FTSJ3: variants seen among roughly 807,000 people sequenced by gnomAD.
The protein encoded by FTSJ3 is pre-rRNA 2'-O-ribose RNA methyltransferase FTSJ3.
In FTSJ3, 46 loss-of-function variants were observed where a neutral mutation model predicts 111.5. The observed-to-expected ratio is 0.41, with a 90% CI of 0.33 to 0.53. The LOEUF is 0.53. Among genes scored for constraint, FTSJ3 ranks in the 20% least tolerant of loss-of-function variants. The pLI is 0.19. For missense variants in FTSJ3, 1,075 were observed against 1,063.8 expected (o/e 1.01, Z -0.15); for synonymous variants, 408 against 383.0 (o/e 1.07, Z -0.76).
Position 63,820,161 on chromosome 17 carries a change from G to A in FTSJ3, c.2269C>T (p.Leu757=). 1 of 1,614,074 alleles carries A rather than the reference G, an allele frequency of 6.2e-7. No homozygotes were observed. Among genetic ancestry groups the A allele is most frequent in the South Asian group, 1.1e-5 (1 of 91,084 alleles). ...ARKKRRMLKR[L]EQTRKKAEAV... The stretch of plus-strand genomic sequence containing the variant: ...TCTGCCTTCTTCCTGGTCTGCTCCA[G>A]CCTCTTCAGCATCTGCAAAGGAACC... Residue 757 remains leucine, a synonymous_variant, in exon 20 of 21, where the codon CTG becomes TTG. Transcript: ENST00000427159.
Position 63,821,641 on chromosome 17 carries a change from G to T in FTSJ3, c.1599C>A (p.Gly533=), listed in dbSNP as rs2040052820. Reference sequence around the variant, plus strand: ...CATCGTCCTCGATCCCAGCAAAGCTGCCCTGTGATAGGAGAACATCAGCTG... The same window carrying T: ...CATCGTCCTCGATCCCAGCAAAGCTTCCCTGTGATAGGAGAACATCAGCTG... ...EEQANLWFSK[G]SFAGIEDDAD... Residue 533 remains glycine, a splice_region_variant and synonymous_variant, in exon 16 of 21, where the codon GGC becomes GGA. Transcript: ENST00000427159. 2.2e-5 allele frequency: 35 copies of T among 1,613,256 alleles called. No individual in the cohort carries two copies. The highest frequency in any genetic ancestry group is 2.9e-5 in the Non-Finnish European group (34 of 1,179,400).
In FTSJ3 at chr17:63,819,791, G is replaced by C. The variant is rs755095380; in HGVS notation, c.*11C>G. The C allele has an allele frequency of 2.5e-6, 4 of 1,606,088 alleles. No individual in the cohort carries two copies. In the Admixed American group the frequency reaches 6.7e-5, roughly 27 times the overall value. On this transcript the variant is annotated 3_prime_UTR_variant, in exon 21 of 21. Coordinates refer to ENST00000427159, the MANE Select transcript of FTSJ3 (RefSeq NM_017647.4). ...AGTCCCCATGCTCTCCTGGGAGCCT[G>C]GCAGCTCTGCTTACTTCCGTTTGTG... is the stretch of plus-strand genomic sequence containing the variant.
chr17:63,824,722 C>T lies in FTSJ3; in HGVS notation c.832G>A (p.Glu278Lys), dbSNP rs115809493. 417 of 1,613,846 alleles carry T rather than the reference C, an allele frequency of 2.6e-4. 6 individuals carry two copies. In the East Asian group the frequency reaches 9.0e-3, roughly 35 times the overall value. The change falls in exon 10 of 21, where the codon GAA becomes AAA. Residue 278 changes from glutamate (E) to lysine (K), a missense_variant. This residue lies in a region of FTSJ3 where 867 missense variants were observed against 796.9 expected (regional missense o/e 1.09). Transcript: ENST00000427159. ...SKASEIMVDD[E>K]ELAQHPATTE... The stretch of plus-strand genomic sequence containing the variant: ...GTAGCTGGATGCTGTGCCAACTCTT[C>T]ATCATCTACCATGATCTGTTTGGGA...
chr17:63,823,791 A>T, intron 13 of FTSJ3, 26 bp downstream of exon 13: 1 of 1,609,698 alleles, frequency 6.2e-7, no homozygotes, highest in Non-Finnish European at 8.5e-7. Flanking sequence ...CTGTCTCCTA[A>T]ACCTGCACCC....
intron 13 of FTSJ3, 81 bp downstream of exon 13, chr17:63,823,736 A>G: frequency 6.6e-7 from 1 of 1,509,652 alleles, no homozygotes; most frequent in Non-Finnish European, 9.0e-7. Context: ...GCAACCTAAA[A>G]AGACATTCAA....
chr17:63,820,125 T>G lies in FTSJ3; in HGVS notation c.2305A>C (p.Asn769His). 1 of 1,614,168 alleles carries G rather than the reference T, an allele frequency of 6.2e-7. No individual in the cohort carries two copies. The highest frequency in any genetic ancestry group is 8.5e-7 in the Non-Finnish European group (1 of 1,180,034). Residue 769 changes from asparagine to histidine, a missense_variant, in exon 20 of 21, where the codon AAC (asparagine) becomes CAC (histidine). Coordinates refer to ENST00000427159, the MANE Select transcript of FTSJ3 (RefSeq NM_017647.4). ...QTRKKAEAVV[N>H]TVDISEREKV... is the part of the protein sequence containing the mutation. Reference sequence around the variant, plus strand: ...TCTCGTTCTGAGATGTCCACTGTGTTCACCACGGCTTCTGCCTTCTTCCTG... The same window carrying G: ...TCTCGTTCTGAGATGTCCACTGTGTGCACCACGGCTTCTGCCTTCTTCCTG...
At position 63,824,118 on chromosome 17, in the gene FTSJ3, C is replaced by T. The variant is rs200270895; in HGVS notation, c.1120G>A (p.Glu374Lys). The T allele has an allele frequency of 1.9e-4, 306 of 1,614,082 alleles. No homozygotes were observed. Among genetic ancestry groups the T allele is most frequent in the Non-Finnish European group, 2.4e-4 (289 of 1,180,044 alleles). The change falls in exon 12 of 21, where the codon GAA becomes AAA. Residue 374 changes from glutamate (E) to lysine (K), a missense_variant. By Grantham distance (56) the Glu-to-Lys change is moderately conservative. Transcript: ENST00000427159. ...EEEQLNQTLA[E>K]MKAQEVAELK... is the part of the protein sequence containing the mutation. The stretch of plus-strand genomic sequence containing the variant: ...TCCGCCACCTCCTGGGCCTTCATTT[C>T]TGCCAAGGTCTGGTTCAGTTGTTCC...
intron 13 of FTSJ3, 197 bp downstream of exon 13, chr17:63,823,620 C>A: frequency 1.7e-6 from 1 of 599,730 alleles, no homozygotes; most frequent in Non-Finnish European, 2.9e-6. Flanking sequence ...AAATCTATCA[C>A]ACTCATCTAT....
Position 63,820,066 on chromosome 17 carries a change from G to A in FTSJ3, c.2351+13C>T, listed in dbSNP as rs747129028. 40 of 1,613,892 alleles carry A rather than the reference G, an allele frequency of 2.5e-5. No homozygotes were observed. The Admixed American group carries it at 6.7e-4, about 27-fold the overall frequency. On this transcript the variant is annotated intron_variant, in intron 20 of 20. Coordinates refer to ENST00000427159, the MANE Select transcript of FTSJ3 (RefSeq NM_017647.4). Reference sequence around the variant, plus strand: ...TTTTAGCCCTGTGTACCTTTGTGGTGTCCTCCCATTACCTTCGCAGCTGTG... The same window carrying A: ...TTTTAGCCCTGTGTACCTTTGTGGTATCCTCCCATTACCTTCGCAGCTGTG...
Position 63,820,819 on chromosome 17 carries a change from T to C in FTSJ3, c.2072+20A>G. 2 of 1,569,700 alleles carry C rather than the reference T, an allele frequency of 1.3e-6. No individual in the cohort carries two copies. The highest frequency in any genetic ancestry group is 8.8e-7 in the Non-Finnish European group (1 of 1,140,050). On this transcript the variant is annotated intron_variant, in intron 18 of 20. Transcript: ENST00000427159. ...CCACCAGACCCTGGGTCACTCTTGA[T>C]GAGTTTATGGCCCCTTTACCGGTTG... is the stretch of plus-strand genomic sequence containing the variant.
chr17:63,826,814 G>A, intron 2 of FTSJ3, 22 bp downstream of exon 2: 1 of 1,612,158 alleles, frequency 6.2e-7, no homozygotes, highest in Middle Eastern at 1.7e-4. Context: ...CTCGCTCGCA[G>A]ACTGAGCGAA....
At chr17:63,825,462 C>G (rs716880) in intron 6 of FTSJ3, 26 bp from the exon 7 acceptor site, 1,021,845 of 1,613,320 alleles carry the variant, frequency 0.63, 328,076 homozygotes, top group African/African-American at 0.91. Flanking sequence ...AATTAGTTGA[C>G]GCACTCTGCA....
At position 63,824,167 on chromosome 17, in the gene FTSJ3, C is replaced by T. The variant is rs771325406; in HGVS notation, c.1071G>A (p.Lys357=). ...STAGTTKQPS[K]EEEEEEEEEQ... ...CCTCCTCCTCCTCTTCCTCCTCCTC[C>T]TTAGAGGGCTGCTTTGTGGTTCCAG... is the stretch of plus-strand genomic sequence containing the variant. Residue 357 remains lysine (K), a synonymous_variant, in exon 12 of 21, where the codon AAG becomes AAA. Transcript: ENST00000427159. The T allele has an allele frequency of 6.8e-5, 109 of 1,614,044 alleles. No homozygotes were observed. Among genetic ancestry groups the T allele is most frequent in the Non-Finnish European group, 8.5e-5 (100 of 1,180,034 alleles).
At chr17:63,821,314 C>T (rs1255502833) in intron 16 of FTSJ3, 40 bp downstream of exon 16, 10 of 1,574,002 alleles carry the variant, frequency 6.4e-6, no homozygotes, top group South Asian at 1.2e-5. Context: ...TTCAAGCCAC[C>T]GCTTCCTTTC....
At chr17:63,826,992 C>T (rs933564672) in intron 1 of FTSJ3, 60 bp downstream of exon 1, 7 of 852,968 alleles carry the variant, frequency 8.2e-6, no homozygotes, top group Non-Finnish European at 1.2e-5. Flanking sequence ...TTCCAGTTTC[C>T]CACTTCCAGT....
rs746025074 is a variant in FTSJ3, at chr17:63,826,854, G to A, written c.49C>T (p.His17Tyr). The A allele has an allele frequency of 1.4e-5, 22 of 1,614,004 alleles. No homozygotes were observed. The African/African-American group carries it at 2.8e-4, about 21-fold the overall frequency. Residue 17 changes from histidine (H) to tyrosine (Y), a missense_variant, in exon 2 of 21, where the codon CAC becomes TAC. His to Tyr is a moderately conservative substitution (Grantham distance 83, BLOSUM62 2). Transcript: ENST00000427159. ...VGKSRRDKFY[H>Y]LAKETGYRSR... Reference sequence around the variant, plus strand: ...GACTCACCCGTCTCCTTCGCCAAGTGATAAAACTTGTCTCGTCGGCTCTTG... The same window carrying A: ...GACTCACCCGTCTCCTTCGCCAAGTAATAAAACTTGTCTCGTCGGCTCTTG...
rs1567755549 is a variant in FTSJ3, at chr17:63,827,254, CAG to C, written c.-231_-230del. 12 of 614,262 alleles carry C rather than the reference CAG, an allele frequency of 2.0e-5. No homozygotes were observed. Among genetic ancestry groups the C allele is most frequent in the Admixed American group, 2.9e-5 (1 of 34,122 alleles). The allele number at this position is 614,262 out of a possible 1,614,324, so 38.1% of individuals were successfully genotyped here. ...GAAGGCATATCACAAGAACTATAAA[CAG>C]AGTTTCAATGAGGCAACACTGAGGA... On this transcript the variant is annotated 5_prime_UTR_variant, in exon 1 of 21. Coordinates refer to ENST00000427159, the MANE Select transcript of FTSJ3 (RefSeq NM_017647.4).
intron 13 of FTSJ3, 159 bp from the exon 14 acceptor site, chr17:63,822,327 A>G (rs975263915): frequency 3.2e-6 from 2 of 623,876 alleles, no homozygotes; most frequent in South Asian, 1.9e-5. Flanking sequence ...AGGGTAGTGA[A>G]TGGCCTGTTT....
Position 63,825,624 on chromosome 17 carries a change from C to A in FTSJ3, c.312G>T (p.Lys104Asn). Residue 104 changes from lysine to asparagine, a missense_variant, in exon 6 of 21, where the codon AAG (lysine) becomes AAT (asparagine). Around this residue, in one of 2 missense-constraint regions of FTSJ3, gnomAD observed 208 missense variants for 266.9 expected, o/e 0.78. Coordinates refer to ENST00000427159, the MANE Select transcript of FTSJ3 (RefSeq NM_017647.4). ...TTERCRQALR[K>N]ELKTWKVDVV... ...CATCAACCTTCCAGGTCTTCAGCTC[C>A]TTCCTCAGGGCCTAAAGAGAAGAAA... 1 of 1,613,942 alleles carries A rather than the reference C, an allele frequency of 6.2e-7. No homozygotes were observed. The highest frequency in any genetic ancestry group is 8.5e-7 in the Non-Finnish European group (1 of 1,179,878).
Sources: gnomAD v4.1 joint callset for allele counts on GRCh38, gnomAD v4.1.1 for gene constraint, gnomAD v4.1.1 regional missense constraint, MANE v1.5 for transcripts, NCBI Gene and HGNC (gene_info 2026-07-23, HGNC 2026-07-21) for gene names.